CRISP2: variants seen among roughly 807,000 people sequenced by gnomAD.
CRISP2 encodes cysteine rich secretory protein 2, also known as cysteine-rich secretory protein 2.
Under a neutral mutation model 31.7 loss-of-function variants are expected in CRISP2, and 29 were observed. The observed-to-expected ratio is 0.92, with a 90% CI of 0.68 to 1.25. The LOEUF is 1.25. Ranked by LOEUF, CRISP2 falls within the 50% of genes most tolerant of loss-of-function variation. CRISP2 has a pLI of 0.00. For missense variants in CRISP2, 318 were observed against 286.5 expected (o/e 1.11, Z -0.79); for synonymous variants, 111 against 101.4 (o/e 1.09, Z -0.57).
the CRISP2 span, among the ~76,000 whole-genome samples, chr6:49,685,538 C>G: frequency 6.6e-6 from 1 of 152,056 alleles, no homozygotes; most frequent in Non-Finnish European, 1.5e-5. Flanking sequence ...TGTTTAAATC[C>G]CTTCTCTAAT....
At chr6:49,699,693 C>A in intron 6 of CRISP2, 111 bp downstream of exon 6, 1 of 718,208 alleles carries the variant, frequency 1.4e-6, no homozygotes, top group South Asian at 1.9e-5. Flanking sequence ...AAAAAGACAG[C>A]AGTATAAGTA....
chr6:49,687,110 A>G, the CRISP2 span, among the ~76,000 whole-genome samples: 10 of 152,230 alleles, frequency 6.6e-5, no homozygotes, highest in African/African-American at 1.9e-4. Context: ...CTAAATGATG[A>G]GGTAATGGGT....
At chr6:49,681,245 T>C in the CRISP2 span, among the ~76,000 whole-genome samples, 2 of 152,182 alleles carry the variant, frequency 1.3e-5, no homozygotes, top group Non-Finnish European at 2.9e-5. Flanking sequence ...ATTTATTGAA[T>C]AGGGAGTCCT....
chr6:49,684,718 A>G, the CRISP2 span, among the ~76,000 whole-genome samples: 8 of 152,226 alleles, frequency 5.3e-5, no homozygotes, highest in Non-Finnish European at 1.0e-4. Context: ...GGTATCTTAT[A>G]CAATCATATT....
intron 4 of CRISP2, among the ~76,000 whole-genome samples, chr6:49,703,566 T>C (rs920416017): frequency 6.6e-6 from 1 of 152,158 alleles, no homozygotes; most frequent in African/African-American, 2.4e-5. Flanking sequence ...AAGTATTTTA[T>C]TGTTTTTTCA....
rs1350301658 is a variant in CRISP2, at chr6:49,713,514, G to C, written c.-190C>G. The C allele has an allele frequency of 1.3e-5, 2 of 152,206 alleles. No homozygotes were observed. Among genetic ancestry groups the C allele is most frequent in the Non-Finnish European group, 2.9e-5 (2 of 68,092 alleles). The allele number at this position is 152,206 out of a possible 1,614,324, so 9.4% of individuals were successfully genotyped here. On this transcript the variant is annotated 5_prime_UTR_variant, in exon 1 of 10. Transcript: ENST00000339139. ...CAGAGCACAGACCTTCCTGCAGTTG[G>C]GCCGGCGCGTTGCGGCGTTGAGGAG...
chr6:49,686,161 A>G, the CRISP2 span, among the ~76,000 whole-genome samples: 1 of 152,242 alleles, frequency 6.6e-6, no homozygotes, highest in Non-Finnish European at 1.5e-5. Context: ...TCAATTAGCA[A>G]TATATACTGA....
Position 49,697,899 on chromosome 6 carries a change from T to A in CRISP2, c.476A>T (p.Asp159Val). The change falls in exon 8 of 10, where the codon GAT becomes GTT. Residue 159 changes from aspartate to valine, a missense_variant. Asp to Val is a radical substitution (Grantham distance 152). Coordinates refer to ENST00000339139, the MANE Select transcript of CRISP2 (RefSeq NM_003296.4). ...GCGIAYCPNQ[D>V]SLKYYYVCQY... ...GCAAACATAGTAGTATTTTAGACTA[T>A]CTTGATTGGGACAGTAGGCAATTCC... 6.2e-7 allele frequency: 1 copy of A among 1,612,170 alleles called. No individual in the cohort carries two copies. The highest frequency in any genetic ancestry group is 8.5e-7 in the Non-Finnish European group (1 of 1,179,008).
At chr6:49,695,557 T>G (rs1189128240) in intron 9 of CRISP2, among the ~76,000 whole-genome samples, 1 of 152,182 alleles carries the variant, frequency 6.6e-6, no homozygotes, top group African/African-American at 2.4e-5. Context: ...ACCAAAATGG[T>G]ATATGGTTAA....
At chr6:49,712,239 C>T (rs1768144109) in intron 2 of CRISP2, among the ~76,000 whole-genome samples, 1 of 152,152 alleles carries the variant, frequency 6.6e-6, no homozygotes, top group Non-Finnish European at 1.5e-5. Flanking sequence ...CTCAATCACC[C>T]AGTGTATGCA....
chr6:49,689,618 G>A (rs574856298), downstream of CRISP2, among the ~76,000 whole-genome samples: 2 of 151,974 alleles, frequency 1.3e-5, no homozygotes, highest in Admixed American at 6.6e-5. Context: ...TAACAATAAC[G>A]CTTTAATCAT....
intron 4 of CRISP2, among the ~76,000 whole-genome samples, chr6:49,701,498 G>C (rs866896744): frequency 1.6e-5 from 1 of 62,052 alleles, no homozygotes; most frequent in African/African-American, 6.3e-5. Context: ...GTGTGTGTGT[G>C]TGTATATATA....
intron 9 of CRISP2, among the ~76,000 whole-genome samples, chr6:49,693,346 A>G (rs776257227): frequency 1.3e-5 from 2 of 152,208 alleles, no homozygotes; most frequent in Non-Finnish European, 2.9e-5. Flanking sequence ...CCACATTTCA[A>G]GTGTTCAAAG....
chr6:49,702,161 ATATATATATATAT>A (rs1490797240), intron 4 of CRISP2, among the ~76,000 whole-genome samples: 4 of 119,154 alleles, frequency 3.4e-5, no homozygotes, highest in African/African-American at 1.2e-4. Context: ...ATATATATAT[ATATATATATATAT>A]ATATATATAA....
At chr6:49,695,766 T>C in intron 9 of CRISP2, 70 bp downstream of exon 9, 1 of 1,204,082 alleles carries the variant, frequency 8.3e-7, no homozygotes, top group Non-Finnish European at 1.2e-6. Flanking sequence ...GGAGATTTGT[T>C]AAATTATATA....
chr6:49,696,673 A>G (rs1303965012), intron 8 of CRISP2, among the ~76,000 whole-genome samples: 1 of 152,124 alleles, frequency 6.6e-6, no homozygotes, highest in Non-Finnish European at 1.5e-5. Context: ...ATGATTAACC[A>G]TAGGATAATG....
chr6:49,699,855 A>G lies in CRISP2; in HGVS notation c.220T>C (p.Trp74Arg), dbSNP rs1215111536. The G allele has an allele frequency of 6.2e-7, 1 of 1,612,630 alleles. No homozygotes were observed. The highest frequency in any genetic ancestry group is 8.5e-7 in the Non-Finnish European group (1 of 1,179,194). The change falls in exon 6 of 10, where the codon TGG becomes CGG. Residue 74 changes from tryptophan to arginine, a missense_variant. By Grantham distance (101) the Trp-to-Arg change is moderately radical. Coordinates refer to ENST00000339139, the MANE Select transcript of CRISP2 (RefSeq NM_003296.4). ...SREVTTNAQR[W>R]ANKCTLQHSD... is the part of the protein sequence containing the mutation. The stretch of plus-strand genomic sequence containing the variant: ...TGTTGTAAAGTGCACTTGTTTGCCC[A>G]CCTTTGGGCATTCGTTGTTACCTCT...
At chr6:49,693,532 G>A (rs1764246358) in intron 9 of CRISP2, among the ~76,000 whole-genome samples, 1 of 151,878 alleles carries the variant, frequency 6.6e-6, no homozygotes, top group Non-Finnish European at 1.5e-5. Flanking sequence ...TGTTCCCTAG[G>A]GACCTCAAAC....
chr6:49,714,070 A>G (rs1326318258), upstream of CRISP2, among the ~76,000 whole-genome samples: 1 of 152,178 alleles, frequency 6.6e-6, no homozygotes, highest in Non-Finnish European at 1.5e-5. Flanking sequence ...ACGAAGAGTA[A>G]CAGGAACAAC....
Sources: allele counts gnomAD v4.1 joint callset (sites outside exome capture counted in the v4.1 genomes callset), GRCh38; gene constraint gnomAD v4.1.1; transcripts MANE v1.5; gene names NCBI Gene and HGNC (gene_info 2026-07-23, HGNC 2026-07-21).